ZRANB3: variants seen among roughly 807,000 people sequenced by gnomAD.
The protein encoded by ZRANB3 is DNA annealing helicase and endonuclease ZRANB3.
A neutral mutation model predicts 133.8 loss-of-function variants in ZRANB3; 125 were observed. That is an observed-to-expected ratio of 0.93 (90% CI 0.81 to 1.08). ZRANB3 has a LOEUF of 1.08. ZRANB3 is among the 50% of genes least tolerant of loss of function. The pLI, the probability that ZRANB3 is intolerant of heterozygous loss-of-function variation, is 0.00. For missense variants in ZRANB3, 1,229 were observed against 1,275.5 expected (o/e 0.96, Z 0.56); for synonymous variants, 387 against 432.7 (o/e 0.89, Z 1.31).
At chr2:135,378,366 G>A (rs1322776998) in intron 3 of ZRANB3, among the ~76,000 whole-genome samples, 1 of 152,024 alleles carries the variant, frequency 6.6e-6, no homozygotes, top group Non-Finnish European at 1.5e-5. Context: ...AGTGGTGGGT[G>A]CCTGTAATCC....
At chr2:135,436,315 C>T (rs1402287133) in intron 2 of ZRANB3, among the ~76,000 whole-genome samples, 2 of 152,110 alleles carry the variant, frequency 1.3e-5, no homozygotes, top group Non-Finnish European at 2.9e-5. Context: ...CTATTCTGTT[C>T]CATTGGTCTA....
At chr2:135,364,125 G>A (rs546443324) in intron 3 of ZRANB3, among the ~76,000 whole-genome samples, 7 of 151,772 alleles carry the variant, frequency 4.6e-5, no homozygotes, top group African/African-American at 1.7e-4. Context: ...AAGGAAGAAG[G>A]GAAGGAAGGA....
At chr2:135,296,144 G>A (rs951433570) in intron 8 of ZRANB3, among the ~76,000 whole-genome samples, 36 of 152,196 alleles carry the variant, frequency 2.4e-4, no homozygotes, top group Non-Finnish European at 4.6e-4. Context: ...GATTGGGGAA[G>A]TTCTCCTGGA....
intron 2 of ZRANB3, among the ~76,000 whole-genome samples, chr2:135,483,229 T>A (rs1317421458): frequency 6.6e-6 from 1 of 152,100 alleles, no homozygotes; most frequent in Admixed American, 6.6e-5. Context: ...AGAATTCGGC[T>A]GTGAATACAT....
At chr2:135,413,928 G>A (rs377320511) in intron 2 of ZRANB3, among the ~76,000 whole-genome samples, 5 of 151,780 alleles carry the variant, frequency 3.3e-5, no homozygotes. Flanking sequence ...TCACCACCAG[G>A]CCTGCCCTAA....
intron 2 of ZRANB3, among the ~76,000 whole-genome samples, chr2:135,479,459 A>G (rs1052439467): frequency 3.3e-5 from 5 of 151,950 alleles, no homozygotes; most frequent in African/African-American, 1.2e-4. Context: ...ACATGGTGAA[A>G]CCCCCATCTC....
At chr2:135,296,212 T>C (rs1253191299) in intron 8 of ZRANB3, among the ~76,000 whole-genome samples, 5 of 152,228 alleles carry the variant, frequency 3.3e-5, no homozygotes, top group East Asian at 1.9e-4. Context: ...CTTTCAGGTA[T>C]ACCAATCAGA....
At chr2:135,388,128 T>C (rs1445648569) in intron 3 of ZRANB3, among the ~76,000 whole-genome samples, 3 of 152,168 alleles carry the variant, frequency 2.0e-5, no homozygotes, top group Non-Finnish European at 4.4e-5. Flanking sequence ...AGGTCACATC[T>C]TTTACACTGC....
chr2:135,310,596 T>C (rs1242151889), intron 8 of ZRANB3, among the ~76,000 whole-genome samples: 4 of 152,142 alleles, frequency 2.6e-5, no homozygotes, highest in Non-Finnish European at 5.9e-5. Context: ...AAATGCATTG[T>C]TAAGGGAATG....
At chr2:135,340,611 T>C (rs1684605666) in intron 6 of ZRANB3, among the ~76,000 whole-genome samples, 2 of 152,046 alleles carry the variant, frequency 1.3e-5, no homozygotes, top group Non-Finnish European at 2.9e-5. Context: ...CTTGGGAGGC[T>C]AAGGCAGGCA....
intron 2 of ZRANB3, among the ~76,000 whole-genome samples, chr2:135,414,227 C>CG (rs1688447677): frequency 6.6e-6 from 1 of 152,052 alleles, no homozygotes; most frequent in Middle Eastern, 3.2e-3. Context: ...TGCAGAGACA[C>CG]ACATAGGCTC....
chr2:135,245,926 CAAAAAAAAAA>C (rs1177438717), intron 12 of ZRANB3, among the ~76,000 whole-genome samples: 1 of 19,552 alleles, frequency 5.1e-5, no homozygotes, highest in African/African-American at 2.9e-4. Flanking sequence ...AACTCCGTCT[CAAAAAAAAAA>C]AAAAAAAAAA....
intron 2 of ZRANB3, among the ~76,000 whole-genome samples, chr2:135,398,318 G>A (rs562242338): frequency 7.3e-5 from 11 of 151,476 alleles, no homozygotes; most frequent in Admixed American, 3.3e-4. Context: ...TGCCTGCCTC[G>A]GCCTCCCAAA....
chr2:135,369,686 C>T (rs994024846), intron 3 of ZRANB3, among the ~76,000 whole-genome samples: 2 of 152,082 alleles, frequency 1.3e-5, no homozygotes, highest in African/African-American at 4.8e-5. Context: ...AGGTGGGGAC[C>T]TCATAGTCCC....
chr2:135,453,195 G>A (rs569983386), intron 2 of ZRANB3, among the ~76,000 whole-genome samples: 8 of 152,340 alleles, frequency 5.3e-5, no homozygotes, highest in Non-Finnish European at 1.2e-4. Flanking sequence ...TTTCAGCCAT[G>A]GCTGGAGTGG....
At chr2:135,517,185 G>A (rs752451678) in intron 1 of ZRANB3, among the ~76,000 whole-genome samples, 7 of 151,188 alleles carry the variant, frequency 4.6e-5, no homozygotes, top group African/African-American at 1.2e-4. Context: ...ACCTTTTTTC[G>A]AAGTTCTTAG....
chr2:135,201,166 A>T lies in ZRANB3; in HGVS notation c.3142-726T>A, dbSNP rs571235762. Among the ~76,000 whole-genome samples the T allele has an allele frequency of 3.9e-5, 6 of 152,340 alleles. No homozygotes were observed. In the South Asian group the frequency reaches 6.2e-4, roughly 16 times the overall value. ...AGACCAGAACTGGATTCTTCTGCTA[A>T]TCCCACAAATAACATTTTTCATGAG... On this transcript the variant is annotated intron_variant, in intron 20 of 20. Coordinates refer to ENST00000264159, the MANE Select transcript of ZRANB3 (RefSeq NM_032143.4).
chr2:135,324,431 A>T (rs952618296), intron 6 of ZRANB3, among the ~76,000 whole-genome samples: 1 of 152,168 alleles, frequency 6.6e-6, no homozygotes, highest in Non-Finnish European at 1.5e-5. Context: ...TTATGGCTGC[A>T]CAGTATTCCA....
rs1688446942 is a variant in ZRANB3, at chr2:135,414,214, AC to A, written c.162-23395del. Among the ~76,000 whole-genome samples, 5 of 152,116 alleles carry A rather than the reference AC, an allele frequency of 3.3e-5. No individual in the cohort carries two copies. In the South Asian group the frequency reaches 1.0e-3, roughly 32 times the overall value. ...GTGCTGTATTCAGGAAACCCATCTCACGTGCAGAGACACACATAGGCTCAAA... is the reference window on the plus strand; with the variant it reads ...GTGCTGTATTCAGGAAACCCATCTCAGTGCAGAGACACACATAGGCTCAAA... On this transcript the variant is annotated intron_variant, in intron 2 of 20. Coordinates refer to ENST00000264159, the MANE Select transcript of ZRANB3 (RefSeq NM_032143.4).
Sources: gnomAD v4.1 joint callset for allele counts (sites outside exome capture counted in the v4.1 genomes callset) on GRCh38, gnomAD v4.1.1 for gene constraint, MANE v1.5 for transcripts, NCBI Gene and HGNC (gene_info 2026-07-23, HGNC 2026-07-21) for gene names.